The following GRB10 variants were observed in gnomAD, a reference collection of about 807,000 sequenced individuals.
GRB10 encodes growth factor receptor bound protein 10, also known as growth factor receptor-bound protein 10.
GRB10 carries 20 observed loss-of-function variants against 80.9 expected under a neutral mutation model. The ratio of observed to expected loss-of-function variants is 0.25; its 90% CI spans 0.17 to 0.36. GRB10 has a LOEUF of 0.36. Ranked by LOEUF, GRB10 falls within the 10% of genes least tolerant of loss-of-function variation. The pLI is 1.00. For synonymous variants in GRB10, 291 were observed against 291.5 expected, an observed-to-expected ratio of 1.00 and a Z score of 0.02; for missense variants, 548 against 747.7, an observed-to-expected ratio of 0.73 and a Z score of 3.12.
intron 3 of GRB10, among the ~76,000 whole-genome samples, chr7:50,749,128 TTG>T (rs1491013412): frequency 3.9e-5 from 3 of 77,360 alleles, no homozygotes; most frequent in African/African-American, 9.0e-5. Flanking sequence ...TTTTGTTTTT[TTG>T]TTTGTTTTTT....
At chr7:50,620,489 G>A (rs2051500632) in intron 8 of GRB10, among the ~76,000 whole-genome samples, 1 of 152,188 alleles carries the variant, frequency 6.6e-6, no homozygotes, top group African/African-American at 2.4e-5. Flanking sequence ...GCCCCGACCG[G>A]CATGCAGAAG....
In GRB10 at chr7:50,713,600, TCTCCACCATCACCTCCACCTC is replaced by T. The variant is rs1235515508; in HGVS notation, c.52-9713_52-9693del. Reference sequence around the variant, plus strand: ...ATCCTCACCTCCACCTCCTCTACCATCTCCACCATCACCTCCACCTCCTCCACCATCACCTCCACCTCCCCC... The same window carrying T: ...ATCCTCACCTCCACCTCCTCTACCATCTCCACCATCACCTCCACCTCCCCC... On this transcript the variant is annotated intron_variant, in intron 4 of 18. Transcript: ENST00000401949. 2.1e-4 allele frequency among the ~76,000 whole-genome samples: 11 copies of T among 52,324 alleles called. No homozygotes were observed. In the East Asian group the frequency reaches 6.1e-3, roughly 29 times the overall value. The allele number at this position is 52,324 out of a possible 152,430, so 34.3% of individuals were successfully genotyped here.
intron 7 of GRB10, among the ~76,000 whole-genome samples, chr7:50,636,984 T>C (rs915260942): frequency 2.0e-5 from 3 of 152,236 alleles, no homozygotes; most frequent in Admixed American, 1.3e-4. Flanking sequence ...TTTTTTGTTT[T>C]GTTTTTGTTT....
chr7:50,635,635 T>C (rs1240360297), intron 7 of GRB10, among the ~76,000 whole-genome samples: 1 of 151,976 alleles, frequency 6.6e-6, no homozygotes, highest in Admixed American at 6.6e-5. Flanking sequence ...AATTGATAGC[T>C]AGCAAGTTTA....
chr7:50,721,556 C>T (rs2067756310), intron 4 of GRB10, among the ~76,000 whole-genome samples: 1 of 152,248 alleles, frequency 6.6e-6, no homozygotes, highest in Non-Finnish European at 1.5e-5. Flanking sequence ...ACCCCACCTG[C>T]TACCACCTTC....
At chr7:50,648,278 A>G (rs919025491) in intron 7 of GRB10, among the ~76,000 whole-genome samples, 1 of 152,134 alleles carries the variant, frequency 6.6e-6, no homozygotes, top group African/African-American at 2.4e-5. Context: ...AGGAGCCCTC[A>G]TGCTGCTGCA....
intron 5 of GRB10, among the ~76,000 whole-genome samples, chr7:50,697,074 G>A (rs992609228): frequency 6.6e-6 from 1 of 152,194 alleles, no homozygotes; most frequent in Non-Finnish European, 1.5e-5. Flanking sequence ...AATAGTGTAT[G>A]GTCCCACTTA....
intron 1 of GRB10, chr7:50,792,713 CCCGGACGCCCGGACGCCCGGGCGCGCGCG>C: frequency 3.0e-6 from 1 of 334,116 alleles, no homozygotes; most frequent in Non-Finnish European, 5.3e-6. Flanking sequence ...GCACCACTGT[CCCGGACGCCCGGACGCCCGGGCGCGCGCG>C]CCGCGGCCCC....
intron 4 of GRB10, 57 bp downstream of exon 4, chr7:50,732,215 C>T: frequency 6.5e-7 from 1 of 1,536,760 alleles, no homozygotes; most frequent in Non-Finnish European, 9.0e-7. Flanking sequence ...GACATGTGTG[C>T]CCTGGCCCTC....
At chr7:50,758,924 C>T (rs1348956929) in intron 2 of GRB10, among the ~76,000 whole-genome samples, 2 of 152,160 alleles carry the variant, frequency 1.3e-5, no homozygotes, top group East Asian at 1.9e-4. Context: ...GTGGCTCACA[C>T]CTGTAAACCC....
At chr7:50,594,310 CAG>C (rs1388499283) in intron 18 of GRB10, among the ~76,000 whole-genome samples, 1 of 152,196 alleles carries the variant, frequency 6.6e-6, no homozygotes, top group African/African-American at 2.4e-5. Context: ...ACAGAAAAGA[CAG>C]TGCGTGGCAC....
intron 9 of GRB10, among the ~76,000 whole-genome samples, chr7:50,618,639 G>A (rs1479190936): frequency 1.3e-5 from 2 of 152,214 alleles, no homozygotes; most frequent in East Asian, 3.8e-4. Flanking sequence ...GACTCAGGAT[G>A]ACAGCGAGTG....
At chr7:50,601,856 C>T (rs944475837) in intron 17 of GRB10, among the ~76,000 whole-genome samples, 2 of 152,176 alleles carry the variant, frequency 1.3e-5, no homozygotes, top group Admixed American at 1.3e-4. Flanking sequence ...GAATCAGGGT[C>T]CCTGTGAGAA....
intron 4 of GRB10, among the ~76,000 whole-genome samples, chr7:50,723,541 G>A (rs562027418): frequency 3.3e-5 from 5 of 152,298 alleles, no homozygotes; most frequent in African/African-American, 1.2e-4. Context: ...CAGAGTCTGG[G>A]GGCAAAGGAA....
intron 4 of GRB10, among the ~76,000 whole-genome samples, chr7:50,714,384 C>A (rs2066485092): frequency 1.3e-5 from 2 of 152,254 alleles, no homozygotes; most frequent in South Asian, 4.1e-4. Flanking sequence ...TAACTTGAGG[C>A]CAGGAGCAGT....
At chr7:50,716,245 C>T (rs1234967142) in intron 4 of GRB10, among the ~76,000 whole-genome samples, 1 of 152,214 alleles carries the variant, frequency 6.6e-6, no homozygotes, top group Non-Finnish European at 1.5e-5. Context: ...CCTGCCTCAA[C>T]AGTGGGGGCA....
chr7:50,745,159 A>G (rs932269208), intron 3 of GRB10, among the ~76,000 whole-genome samples: 3 of 152,210 alleles, frequency 2.0e-5, no homozygotes, highest in African/African-American at 7.2e-5. Flanking sequence ...AAAAAACTCC[A>G]CATATAAATA....
Position 50,728,217 on chromosome 7 carries a change from G to A in GRB10, c.51+4055C>T, listed in dbSNP as rs1295151111. Among the ~76,000 whole-genome samples, 3 of 21,034 alleles carry A rather than the reference G, an allele frequency of 1.4e-4. No individual in the cohort carries two copies. The East Asian group carries it at 0.014, about 95-fold the overall frequency. 13.8% of individuals were successfully genotyped at this position (21,034 alleles called of 152,430 possible). On this transcript the variant is annotated intron_variant, in intron 4 of 18. Coordinates refer to ENST00000401949, the MANE Select transcript of GRB10 (RefSeq NM_001350814.2). The stretch of plus-strand genomic sequence containing the variant: ...AAAATGTTCTTTAGCCAAAGTATGG[G>A]GGGGGGGTGTAGTACTTAAAAATGA...
chr7:50,716,143 G>GGA (rs1319929798), intron 4 of GRB10, among the ~76,000 whole-genome samples: 2 of 152,192 alleles, frequency 1.3e-5, no homozygotes, highest in East Asian at 1.9e-4. Flanking sequence ...CCAGAATGAA[G>GGA]GAGACAGAGC....
Sources: gnomAD v4.1 joint callset for allele counts (sites outside exome capture counted in the v4.1 genomes callset) on GRCh38, gnomAD v4.1.1 for gene constraint, MANE v1.5 for transcripts, NCBI Gene and HGNC (gene_info 2026-07-23, HGNC 2026-07-21) for gene names.